Variants in MYO1D observed in about 807,000 individuals in gnomAD.
The protein encoded by MYO1D is myosin ID.
In MYO1D, 83 loss-of-function variants were observed where a neutral mutation model predicts 122.0. That is an observed-to-expected ratio of 0.68 (90% CI 0.57 to 0.82). The LOEUF (loss-of-function observed/expected upper bound fraction) is 0.82. MYO1D is among the 40% of genes least tolerant of loss of function. The pLI is 0.00. For synonymous variants in MYO1D, 464 were observed against 446.9 expected, an observed-to-expected ratio of 1.04 and a Z score of -0.48; for missense variants, 1,157 against 1,269.5, an observed-to-expected ratio of 0.91 and a Z score of 1.35.
At chr17:32,682,551 C>CT (rs1262914692) in intron 16 of MYO1D, among the ~76,000 whole-genome samples, 6 of 151,200 alleles carry the variant, frequency 4.0e-5, no homozygotes, top group African/African-American at 4.9e-5. Context: ...GTTGAAAATT[C>CT]TTTTTTTTAA....
chr17:32,585,778 A>C (rs2087382169), intron 21 of MYO1D, among the ~76,000 whole-genome samples: 1 of 151,954 alleles, frequency 6.6e-6, no homozygotes, highest in Admixed American at 6.6e-5. Context: ...AGTCTAAAAT[A>C]AAATAGTCTC....
Position 32,536,101 on chromosome 17 carries a change from T to C in MYO1D, c.2865-41186A>G, listed in dbSNP as rs145931795. ...AGGCTGGAGTGCAGTGATATGATCTTGGCTCACTGCAACCTCCGCCTCCTG... is the reference window on the plus strand; with the variant it reads ...AGGCTGGAGTGCAGTGATATGATCTCGGCTCACTGCAACCTCCGCCTCCTG... On this transcript the variant is annotated intron_variant, in intron 21 of 21. Coordinates refer to ENST00000318217, the MANE Select transcript of MYO1D (RefSeq NM_015194.3). 9.8e-3 allele frequency among the ~76,000 whole-genome samples: 1,491 copies of C among 152,044 alleles called. 21 individuals carry two copies. The highest frequency in any genetic ancestry group is 0.035 in the African/African-American group (1,435 of 41,474).
At chr17:32,786,801 A>G (rs569975217) in intron 1 of MYO1D, among the ~76,000 whole-genome samples, 111 of 152,212 alleles carry the variant, frequency 7.3e-4, no homozygotes, top group African/African-American at 2.6e-3. Flanking sequence ...GCCTGGGTGA[A>G]AGAGCAAAAC....
rs2089685305 is a variant in MYO1D, at chr17:32,735,123, C to CACACACAA, written c.1746+3129_1746+3130insTTGTGTGT. 2.7e-5 allele frequency among the ~76,000 whole-genome samples: 4 copies of CACACACAA among 149,070 alleles called. No individual in the cohort carries two copies. In the South Asian group the frequency reaches 8.6e-4, roughly 32 times the overall value. The stretch of plus-strand genomic sequence containing the variant: ...ACACACACACACACACACACACACA[C>CACACACAA]GAACCCAAAATGGTTTCCTTTGTCA... On this transcript the variant is annotated intron_variant, in intron 14 of 21. Coordinates refer to ENST00000318217, the MANE Select transcript of MYO1D (RefSeq NM_015194.3).
chr17:32,625,942 C>T (rs540612235), intron 20 of MYO1D, among the ~76,000 whole-genome samples: 27 of 152,370 alleles, frequency 1.8e-4, no homozygotes, highest in African/African-American at 6.3e-4. Flanking sequence ...CTAGGTCACA[C>T]ACACAAATGA....
intron 11 of MYO1D, among the ~76,000 whole-genome samples, chr17:32,753,901 G>GAAAA (rs201189942): frequency 1.2e-5 from 1 of 86,184 alleles, no homozygotes; most frequent in Non-Finnish European, 2.6e-5. Context: ...CATCTCAAAA[G>GAAAA]AAAAAAAAAA....
intron 1 of MYO1D, among the ~76,000 whole-genome samples, chr17:32,859,602 C>T (rs2091053389): frequency 6.6e-6 from 1 of 152,200 alleles, no homozygotes; most frequent in African/African-American, 2.4e-5. Flanking sequence ...CACTTTTACC[C>T]ACTGGCATGA....
intron 21 of MYO1D, among the ~76,000 whole-genome samples, chr17:32,536,460 CCGAAACTAA>C (rs1392051759): frequency 6.6e-6 from 1 of 152,148 alleles, no homozygotes; most frequent in East Asian, 1.9e-4. Context: ...CATTTTAAAC[CCGAAACTAA>C]CTTTTATTAT....
intron 1 of MYO1D, among the ~76,000 whole-genome samples, chr17:32,832,192 G>A (rs1194216136): frequency 6.6e-6 from 1 of 151,370 alleles, no homozygotes; most frequent in Non-Finnish European, 1.5e-5. Context: ...TGCAGCCTCA[G>A]CCTCCCTGGG....
chr17:32,614,627 C>G (rs746643859), intron 20 of MYO1D, among the ~76,000 whole-genome samples: 17 of 152,256 alleles, frequency 1.1e-4, no homozygotes, highest in Non-Finnish European at 2.4e-4. Context: ...CCCAGTCCCC[C>G]ACATCTTGTT....
At chr17:32,713,338 T>C (rs893578249) in intron 15 of MYO1D, among the ~76,000 whole-genome samples, 3 of 152,222 alleles carry the variant, frequency 2.0e-5, no homozygotes, top group African/African-American at 4.8e-5. Flanking sequence ...GCCTTTATCA[T>C]ATGTGCTTCA....
chr17:32,774,384 A>AT (rs796969959), intron 4 of MYO1D, among the ~76,000 whole-genome samples: 45 of 152,218 alleles, frequency 3.0e-4, no homozygotes, highest in African/African-American at 1.1e-3. Context: ...AGCTATTTTG[A>AT]TTTTTTTAAC....
At chr17:32,570,979 T>C (rs1413736933) in intron 21 of MYO1D, among the ~76,000 whole-genome samples, 3 of 145,974 alleles carry the variant, frequency 2.1e-5, no homozygotes, top group South Asian at 4.4e-4. Flanking sequence ...CTTGAGGCTA[T>C]GGAAAGGGCT....
chr17:32,563,495 G>A (rs1341195191), intron 21 of MYO1D, among the ~76,000 whole-genome samples: 2 of 152,098 alleles, frequency 1.3e-5, no homozygotes, highest in Non-Finnish European at 2.9e-5. Context: ...GGGATTACAG[G>A]CGTGTGCCAC....
chr17:32,644,920 T>C (rs1344986296), intron 19 of MYO1D, among the ~76,000 whole-genome samples: 1 of 152,226 alleles, frequency 6.6e-6, no homozygotes, highest in Non-Finnish European at 1.5e-5. Context: ...ACATTTAAGG[T>C]TAATACTGTT....
chr17:32,738,181 C>T (rs1315702125), intron 14 of MYO1D, 72 bp downstream of exon 14: 6 of 1,316,904 alleles, frequency 4.6e-6, no homozygotes, highest in Admixed American at 4.9e-5. Context: ...GCAAATCATA[C>T]ATACATTCTT....
chr17:32,500,040 G>T (rs1052690612), intron 21 of MYO1D, among the ~76,000 whole-genome samples: 1 of 152,164 alleles, frequency 6.6e-6, no homozygotes, highest in African/African-American at 2.4e-5. Flanking sequence ...CACATGTACT[G>T]GTCTCCACTT....
At chr17:32,615,876 G>T (rs1264407208) in intron 20 of MYO1D, among the ~76,000 whole-genome samples, 2 of 152,182 alleles carry the variant, frequency 1.3e-5, no homozygotes, top group Non-Finnish European at 1.5e-5. Flanking sequence ...GCAGAGATTT[G>T]TGGGCGTGTT....
At chr17:32,849,241 A>G (rs12450812) in intron 1 of MYO1D, among the ~76,000 whole-genome samples, 65,483 of 145,560 alleles carry the variant, frequency 0.45, 15,001 homozygotes, top group East Asian at 0.53. Context: ...TTCAACCATT[A>G]TGGAAGTCAG....
Sources: gnomAD v4.1 joint callset for allele counts (sites outside exome capture counted in the v4.1 genomes callset) on GRCh38, gnomAD v4.1.1 for gene constraint, MANE v1.5 for transcripts, NCBI Gene and HGNC (gene_info 2026-07-23, HGNC 2026-07-21) for gene names.